DPYSL2: variants seen among roughly 807,000 people sequenced by gnomAD.
The protein encoded by DPYSL2 is dihydropyrimidinase like 2.
In DPYSL2, 13 loss-of-function variants were observed where a neutral mutation model predicts 69.9. The observed-to-expected ratio is 0.19, with a 90% CI of 0.12 to 0.30. DPYSL2 has a LOEUF of 0.30. Among genes scored for constraint, DPYSL2 ranks in the 10% least tolerant of loss-of-function variants. The probability of loss-of-function intolerance (pLI) is 1.00; values close to 1 mark genes in which losing one functional copy is unlikely to be tolerated. For missense variants in DPYSL2, 587 were observed against 918.9 expected (o/e 0.64, Z 4.67); for synonymous variants, 326 against 359.1 (o/e 0.91, Z 1.04).
chr8:26,626,574 G>T lies in DPYSL2; in HGVS notation c.794-43G>T. 5 of 1,583,802 alleles carry T rather than the reference G, an allele frequency of 3.2e-6. No individual in the cohort carries two copies. The highest frequency in any genetic ancestry group is 4.3e-6 in the Non-Finnish European group (5 of 1,153,714). ...TTCTTATCCCTTATTTGGTTATTTG[G>T]TTTATCTATTAAAAGTCCACTTCTC... On this transcript the variant is annotated intron_variant, in intron 4 of 13. Coordinates refer to ENST00000521913, the MANE Select transcript of DPYSL2 (RefSeq NM_001197293.3). The surrounding 1 kb of genome is among the most constrained non-coding windows in gnomAD (Gnocchi z 4.3).
chr8:26,623,871 A>C lies in DPYSL2; in HGVS notation c.629-272A>C, dbSNP rs118036943. ...CTCGTTGTCCGTGAAATGCACCCAAAGCTTGAGCTTTCAGGGGTTTTGGGA... is the reference window on the plus strand; with the variant it reads ...CTCGTTGTCCGTGAAATGCACCCAACGCTTGAGCTTTCAGGGGTTTTGGGA... On this transcript the variant is annotated intron_variant, in intron 3 of 13. Transcript: ENST00000521913. 1,220 of 371,960 alleles carry C rather than the reference A, an allele frequency of 3.3e-3. 8 individuals are homozygous for C. The highest frequency in any genetic ancestry group is 0.01 in the South Asian group (294 of 28,014). 23.0% of individuals were successfully genotyped at this position (371,960 alleles called of 1,614,324 possible). A position where few individuals can be genotyped will look rare whatever the true frequency, so the allele number is the denominator to read the frequency against.
chr8:26,576,691 A>T (rs1316387517), intron 1 of DPYSL2, among the ~76,000 whole-genome samples: 1 of 152,102 alleles, frequency 6.6e-6, no homozygotes, highest in East Asian at 1.9e-4. Flanking sequence ...CAGTCAGGAC[A>T]CTCTTGATTT....
intron 1 of DPYSL2, among the ~76,000 whole-genome samples, chr8:26,527,650 A>C (rs1398451210): frequency 6.6e-6 from 1 of 152,324 alleles, no homozygotes; most frequent in Middle Eastern, 3.4e-3. Flanking sequence ...TATGTTGCCA[A>C]ATAAAGACAT....
chr8:26,612,869 C>T (rs1802263745), intron 3 of DPYSL2, among the ~76,000 whole-genome samples: 1 of 152,234 alleles, frequency 6.6e-6, no homozygotes, highest in African/African-American at 2.4e-5. Context: ...CTCCCACATT[C>T]TGTCTGCACA....
rs938507032 is a variant in DPYSL2 at position 26,591,643 on chromosome 8, C to T, written c.628+7660C>T. ...CAACCCTTTCTCATGTGAAACCTTG[C>T]GTGGAACCCCCTCCACCTGAGATAT... is the stretch of plus-strand genomic sequence containing the variant. On this transcript the variant is annotated intron_variant, in intron 3 of 13. Coordinates refer to ENST00000521913, the MANE Select transcript of DPYSL2 (RefSeq NM_001197293.3). This position sits in a 1 kb window ranked among gnomAD's most constrained non-coding sequence, Gnocchi z 5.8. Among the ~76,000 whole-genome samples, 3 of 152,192 alleles carry T rather than the reference C, an allele frequency of 2.0e-5. No homozygotes were observed. Among genetic ancestry groups the T allele is most frequent in the East Asian group, 1.9e-4 (1 of 5,186 alleles).
intron 1 of DPYSL2, among the ~76,000 whole-genome samples, chr8:26,569,379 A>T (rs1303632664): frequency 6.6e-6 from 1 of 150,708 alleles, no homozygotes; most frequent in Non-Finnish European, 1.5e-5. Context: ...AACAAAAACA[A>T]AAAAAAACCA....
At position 26,605,351 on chromosome 8, in the gene DPYSL2, A is replaced by T. The variant is rs142037551; in HGVS notation, c.629-18792A>T. ...CCCAGGCTGGAGTGCAGTGGTGTGA[A>T]CTCGGCTCACTGCAACCTCCAGCTC... On this transcript the variant is annotated intron_variant, in intron 3 of 13. Coordinates refer to ENST00000521913, the MANE Select transcript of DPYSL2 (RefSeq NM_001197293.3). This position sits in a 1 kb window ranked among gnomAD's most constrained non-coding sequence, Gnocchi z 4.1. Among the ~76,000 whole-genome samples the T allele has an allele frequency of 1.7e-3, 262 of 152,028 alleles. 1 individual carries two copies. Among genetic ancestry groups the T allele is most frequent in the African/African-American group, 5.6e-3 (233 of 41,462 alleles).
chr8:26,601,678 C>T (rs1164396300), intron 3 of DPYSL2, among the ~76,000 whole-genome samples: 1 of 152,186 alleles, frequency 6.6e-6, no homozygotes, highest in Non-Finnish European at 1.5e-5. Context: ...CGCCTGGGCC[C>T]TCTCTTATAG....
At chr8:26,544,122 CT>C in intron 1 of DPYSL2, among the ~76,000 whole-genome samples, 1 of 152,088 alleles carries the variant, frequency 6.6e-6, no homozygotes, top group East Asian at 1.9e-4. Flanking sequence ...TTTACTAACC[CT>C]ACTTTTGTCA....
In DPYSL2 at chr8:26,644,321, T is replaced by C. The variant is rs1189133298; in HGVS notation, c.1425+230T>C. Among the ~76,000 whole-genome samples, 5 of 152,188 alleles carry C rather than the reference T, an allele frequency of 3.3e-5. No individual in the cohort carries two copies. Among genetic ancestry groups the C allele is most frequent in the Non-Finnish European group, 5.9e-5 (4 of 68,028 alleles). On this transcript the variant is annotated intron_variant, in intron 10 of 13. Coordinates refer to ENST00000521913, the MANE Select transcript of DPYSL2 (RefSeq NM_001197293.3). This position sits in a 1 kb window ranked among gnomAD's most constrained non-coding sequence, Gnocchi z 4.5. ...TTCTTTTTAAAACAATTTTTAAATT[T>C]TTTTCAGACAAGGTCTTGCTCTGTC... is the stretch of plus-strand genomic sequence containing the variant.
In DPYSL2 at chr8:26,514,089, G is replaced by C. The variant is rs904282976; in HGVS notation, c.-237G>C. The C allele has an allele frequency of 1.3e-5, 5 of 375,438 alleles. No homozygotes were observed. The highest frequency in any genetic ancestry group is 2.4e-5 in the Non-Finnish European group (5 of 212,652). The allele number at this position is 375,438 out of a possible 1,614,324, so 23.3% of individuals were successfully genotyped here. On this transcript the variant is annotated 5_prime_UTR_variant, in exon 1 of 14. Coordinates refer to ENST00000521913, the MANE Select transcript of DPYSL2 (RefSeq NM_001197293.3). The surrounding 1 kb of genome is among the most constrained non-coding windows in gnomAD (Gnocchi z 8.4). ...CCAGATCCAACTTTGCCGCTTCCCC[G>C]AGCTCGCGCTGTAGCCGCGGGGGGC...
At chr8:26,534,992 T>C (rs113836814) in intron 1 of DPYSL2, among the ~76,000 whole-genome samples, 90 of 152,262 alleles carry the variant, frequency 5.9e-4, no homozygotes, top group African/African-American at 2.1e-3. Context: ...TCACTTAAAT[T>C]AGGGTTAGAA....
chr8:26,576,144 T>C (rs528621037), intron 1 of DPYSL2, among the ~76,000 whole-genome samples: 1 of 152,318 alleles, frequency 6.6e-6, no homozygotes. Flanking sequence ...ACTTTGTGCG[T>C]GCCCTACGGC....
intron 7 of DPYSL2, among the ~76,000 whole-genome samples, chr8:26,633,635 T>A (rs1277249998): frequency 2.1e-5 from 3 of 144,502 alleles, no homozygotes; most frequent in African/African-American, 5.1e-5. Flanking sequence ...GCCTGGCTAA[T>A]TTTTTTTTTT....
rs1226920452 is a variant in DPYSL2 at position 26,586,039 on chromosome 8, G to A, written c.628+2056G>A. On this transcript the variant is annotated intron_variant, in intron 3 of 13. Coordinates refer to ENST00000521913, the MANE Select transcript of DPYSL2 (RefSeq NM_001197293.3). This position sits in a 1 kb window ranked among gnomAD's most constrained non-coding sequence, Gnocchi z 4.7. Reference sequence around the variant, plus strand: ...GAATCTTTGAACCTGGGAGGCGGAGGTTGCAGGGAGCTGAGATTGCACCAC... The same window carrying A: ...GAATCTTTGAACCTGGGAGGCGGAGATTGCAGGGAGCTGAGATTGCACCAC... Among the ~76,000 whole-genome samples, 1 of 152,098 alleles carries A rather than the reference G, an allele frequency of 6.6e-6. No individual in the cohort carries two copies. Among genetic ancestry groups the A allele is most frequent in the Non-Finnish European group, 1.5e-5 (1 of 68,026 alleles).
chr8:26,632,271 A>G (rs765867191), intron 7 of DPYSL2, among the ~76,000 whole-genome samples: 68 of 152,266 alleles, frequency 4.5e-4, no homozygotes, highest in Non-Finnish European at 8.8e-4. Flanking sequence ...CATTGTGGGG[A>G]TGCAAAACAG....
intron 1 of DPYSL2, among the ~76,000 whole-genome samples, chr8:26,546,341 T>A (rs1264832930): frequency 1.3e-5 from 2 of 152,236 alleles, no homozygotes; most frequent in African/African-American, 4.8e-5. Flanking sequence ...ATTAACCTTG[T>A]ATCTTGCAAC....
Position 26,655,673 on chromosome 8 carries a change from C to A in DPYSL2, c.2001C>A (p.Pro667=). The part of the protein sequence containing the change: ...RRTTQRIVAP[P]GGRANITSLG Reference sequence around the variant, plus strand: ...CCACCCAGCGTATCGTGGCGCCCCCCGGTGGCCGTGCCAACATCACCAGCC... The same window carrying A: ...CCACCCAGCGTATCGTGGCGCCCCCAGGTGGCCGTGCCAACATCACCAGCC... The change falls in exon 14 of 14, where the codon CCC becomes CCA. Residue 667 remains proline (P), a synonymous_variant. Transcript: ENST00000521913. 1.9e-6 allele frequency: 3 copies of A among 1,608,950 alleles called. No homozygotes were observed. Among genetic ancestry groups the A allele is most frequent in the Non-Finnish European group, 2.5e-6 (3 of 1,179,278 alleles).
rs1802626539 is a variant in DPYSL2, at chr8:26,626,760, T to C, written c.855+82T>C. 7.1e-7 allele frequency: 1 copy of C among 1,399,100 alleles called. No homozygotes were observed. Among genetic ancestry groups the C allele is most frequent in the Non-Finnish European group, 1.0e-6 (1 of 994,626 alleles). The allele number at this position is 1,399,100 out of a possible 1,614,324, so 86.7% of individuals were successfully genotyped here. On this transcript the variant is annotated intron_variant, in intron 5 of 13. Transcript: ENST00000521913. The surrounding 1 kb of genome is among the most constrained non-coding windows in gnomAD (Gnocchi z 4.3). The stretch of plus-strand genomic sequence containing the variant: ...GGCCGTTTGGGAAAGCAGTCTCCGA[T>C]GTATGCATGTTTCCTAGCTTCCTGG...
Sources: gnomAD v4.1 joint callset for allele counts (sites outside exome capture counted in the v4.1 genomes callset) on GRCh38, gnomAD v4.1.1 for gene constraint, Gnocchi (gnomAD v3.1) non-coding constraint, MANE v1.5 for transcripts, NCBI Gene and HGNC (gene_info 2026-07-23, HGNC 2026-07-21) for gene names.